Variants in ADGRB1 observed in about 807,000 individuals in gnomAD.
The protein encoded by ADGRB1 is adhesion G protein-coupled receptor B1, also known as brain-specific angiogenesis inhibitor 1.
A neutral mutation model predicts 175.7 loss-of-function variants in ADGRB1; 36 were observed. The observed-to-expected ratio is 0.20, with a 90% CI of 0.16 to 0.27. The LOEUF is 0.27. Among genes scored for constraint, ADGRB1 ranks in the 10% least tolerant of loss-of-function variants. The probability of loss-of-function intolerance (pLI) is 1.00; values close to 1 mark genes in which losing one functional copy is unlikely to be tolerated. For synonymous variants in ADGRB1, 1,054 were observed against 979.4 expected, an observed-to-expected ratio of 1.08 and a Z score of -1.42; for missense variants, 1,731 against 2,255.3, an observed-to-expected ratio of 0.77 and a Z score of 4.71.
rs573822431 is a variant in ADGRB1 at position 142,456,203 on chromosome 8, C to G, written c.-220+6099C>G. Among the ~76,000 whole-genome samples, 50 of 152,284 alleles carry G rather than the reference C, an allele frequency of 3.3e-4. 1 individual carries two copies. The highest frequency in any genetic ancestry group is 1.4e-3 in the Admixed American group (21 of 15,308). ...TTCCAGATCTCACGGGCAGCTCCTC[C>G]AGAAAGCCTTCCTCTCCACCACAGC... On this transcript the variant is annotated intron_variant, in intron 1 of 30. Transcript: ENST00000517894.
At chr8:142,473,060 C>T (rs1840750709) in intron 2 of ADGRB1, among the ~76,000 whole-genome samples, 1 of 152,088 alleles carries the variant, frequency 6.6e-6, no homozygotes, top group Non-Finnish European at 1.5e-5. Context: ...ACCAAGGTAA[C>T]CAGCCCTGAA....
chr8:142,544,462 T>C lies in ADGRB1; in HGVS notation c.*45T>C. The C allele has an allele frequency of 1.4e-6, 2 of 1,426,414 alleles. No homozygotes were observed. Among genetic ancestry groups the C allele is most frequent in the East Asian group, 2.6e-5 (1 of 37,766 alleles). 88.4% of individuals were successfully genotyped at this position (1,426,414 alleles called of 1,614,324 possible). A position where few individuals can be genotyped will look rare whatever the true frequency, so the allele number is the denominator to read the frequency against. ...GCACTGGGCCACGGAGGAGGGATGCTGCTCCGCCCGCTCCTGCCGCAGACG... is the reference window on the plus strand; with the variant it reads ...GCACTGGGCCACGGAGGAGGGATGCCGCTCCGCCCGCTCCTGCCGCAGACG... On this transcript the variant is annotated 3_prime_UTR_variant, in exon 31 of 31. Coordinates refer to ENST00000517894, the MANE Select transcript of ADGRB1 (RefSeq NM_001702.3).
intron 26 of ADGRB1, among the ~76,000 whole-genome samples, chr8:142,539,109 C>T (rs570052143): frequency 7.2e-5 from 11 of 152,310 alleles, no homozygotes; most frequent in African/African-American, 2.4e-4. Context: ...CACAGGGACA[C>T]AAATTCACCC....
chr8:142,456,543 C>T (rs879838878), intron 1 of ADGRB1, among the ~76,000 whole-genome samples: 1 of 152,214 alleles, frequency 6.6e-6, no homozygotes, highest in Non-Finnish European at 1.5e-5. Flanking sequence ...ACCACTCACA[C>T]CTGCACAGCT....
Position 142,526,645 on chromosome 8 carries a change from C to A in ADGRB1, c.3398+18C>A. ...CGGGCAGGGTAGGACCGGGGCTACGCGGCTCCTTGCCCACCCGGAGTGCAA... is the reference window on the plus strand; with the variant it reads ...CGGGCAGGGTAGGACCGGGGCTACGAGGCTCCTTGCCCACCCGGAGTGCAA... On this transcript the variant is annotated intron_variant, in intron 24 of 30. Coordinates refer to ENST00000517894, the MANE Select transcript of ADGRB1 (RefSeq NM_001702.3). 1 of 1,602,690 alleles carries A rather than the reference C, an allele frequency of 6.2e-7. No individual in the cohort carries two copies.
At chr8:142,479,869 T>G in intron 9 of ADGRB1, 75 bp downstream of exon 9, 2 of 1,463,610 alleles carry the variant, frequency 1.4e-6, no homozygotes, top group Non-Finnish European at 1.9e-6. Context: ...TGAGGTGCTG[T>G]CAGCACTGGG....
chr8:142,511,083 C>A lies in ADGRB1; in HGVS notation c.2817+10C>A. The A allele has an allele frequency of 1.8e-6, 2 of 1,111,536 alleles. No individual in the cohort carries two copies. Among genetic ancestry groups the A allele is most frequent in the Non-Finnish European group, 2.2e-6 (2 of 909,408 alleles). The allele number at this position is 1,111,536 out of a possible 1,614,324, so 68.9% of individuals were successfully genotyped here. A position where few individuals can be genotyped will look rare whatever the true frequency, so the allele number is the denominator to read the frequency against. Reference sequence around the variant, plus strand: ...GCTCAGCGCCGACGCGGTGAGACCCCGGCCGGGCCGGCGGGAGGGGCGCCG... The same window carrying A: ...GCTCAGCGCCGACGCGGTGAGACCCAGGCCGGGCCGGCGGGAGGGGCGCCG... On this transcript the variant is annotated intron_variant, in intron 18 of 30. Coordinates refer to ENST00000517894, the MANE Select transcript of ADGRB1 (RefSeq NM_001702.3). The surrounding 1 kb of genome is among the most constrained non-coding windows in gnomAD (Gnocchi z 4.5).
chr8:142,489,606 C>T (rs1266797294), intron 16 of ADGRB1, among the ~76,000 whole-genome samples, 168 bp downstream of exon 16: 1 of 152,156 alleles, frequency 6.6e-6, no homozygotes, highest in Non-Finnish European at 1.5e-5. Context: ...CAGAGAGGTG[C>T]GGTGACTTGC....
intron 27 of ADGRB1, 143 bp from the exon 28 acceptor site, chr8:142,541,794 CCGAT>C (rs1481811230): frequency 2.3e-6 from 2 of 862,234 alleles, no homozygotes; most frequent in Admixed American, 2.9e-5. Context: ...AGTTGGCCCT[CCGAT>C]CGGTACCCAG....
intron 22 of ADGRB1, 54 bp downstream of exon 22, chr8:142,522,764 TC>T: frequency 7.1e-7 from 1 of 1,414,130 alleles, no homozygotes; most frequent in Non-Finnish European, 9.3e-7. Context: ...CCCAGAGACT[TC>T]CACCGCCCTG....
intron 2 of ADGRB1, 59 bp downstream of exon 2, chr8:142,465,041 C>G: frequency 9.4e-7 from 1 of 1,067,270 alleles, no homozygotes; most frequent in East Asian, 3.5e-5. Flanking sequence ...GGGAGGCGGG[C>G]AGACAGGGGA....
chr8:142,540,918 C>T (rs1375965387), intron 27 of ADGRB1, among the ~76,000 whole-genome samples: 3 of 151,892 alleles, frequency 2.0e-5, no homozygotes, highest in Non-Finnish European at 2.9e-5. Flanking sequence ...CTGAGGGGGA[C>T]GGGGAAGCCT....
chr8:142,488,009 C>T (rs1181584701), intron 13 of ADGRB1, among the ~76,000 whole-genome samples: 4 of 152,172 alleles, frequency 2.6e-5, no homozygotes, highest in Non-Finnish European at 5.9e-5. Flanking sequence ...CTGGTGCCTG[C>T]GGATCCCTCC....
At chr8:142,460,825 C>T (rs1212817725) in intron 1 of ADGRB1, among the ~76,000 whole-genome samples, 2 of 152,216 alleles carry the variant, frequency 1.3e-5, no homozygotes, top group Non-Finnish European at 2.9e-5. Context: ...TGAGCACTCT[C>T]CTTCCCCATG....
In ADGRB1 at chr8:142,493,367, A is replaced by G. The variant is rs1007464589; in HGVS notation, c.2675+2552A>G. Among the ~76,000 whole-genome samples the G allele has an allele frequency of 1.3e-5, 2 of 152,076 alleles. No homozygotes were observed. The highest frequency in any genetic ancestry group is 4.8e-5 in the African/African-American group (2 of 41,426). ...GCTTTTAGGCAGGGGCGGGGGCAGC[A>G]GGACGGCGGTCAAGTCCCCAGGGTG... On this transcript the variant is annotated intron_variant, in intron 17 of 30. Transcript: ENST00000517894. The surrounding 1 kb of genome is among the most constrained non-coding windows in gnomAD (Gnocchi z 5.0).
intron 22 of ADGRB1, 134 bp from the exon 23 acceptor site, chr8:142,524,104 A>G: frequency 1.0e-6 from 1 of 952,626 alleles, no homozygotes; most frequent in Non-Finnish European, 1.6e-6. Context: ...CCTGCCCTGC[A>G]TGCCGAAGGC....
At chr8:142,483,853 C>A in intron 11 of ADGRB1, 124 bp from the exon 12 acceptor site, 1 of 1,008,156 alleles carries the variant, frequency 9.9e-7, no homozygotes, top group Non-Finnish European at 1.5e-6. Context: ...ACACACTGAG[C>A]CCTGATCCTG....
In ADGRB1 at chr8:142,474,837, C is replaced by T. The variant is rs1469586428; in HGVS notation, c.785-637C>T. Among the ~76,000 whole-genome samples, 1 of 152,110 alleles carries T rather than the reference C, an allele frequency of 6.6e-6. No individual in the cohort carries two copies. The highest frequency in any genetic ancestry group is 2.4e-5 in the African/African-American group (1 of 41,408). ...GCAGGCATTTATCCCAGGCTCCCTCCTCGGGTGGCCAGCTGGCCAGGTCCA... is the reference window on the plus strand; with the variant it reads ...GCAGGCATTTATCCCAGGCTCCCTCTTCGGGTGGCCAGCTGGCCAGGTCCA... On this transcript the variant is annotated intron_variant, in intron 2 of 30. Transcript: ENST00000517894. The surrounding 1 kb of genome is among the most constrained non-coding windows in gnomAD (Gnocchi z 5.8).
intron 1 of ADGRB1, among the ~76,000 whole-genome samples, chr8:142,457,965 C>T (rs929983648): frequency 3.9e-5 from 6 of 152,226 alleles, no homozygotes; most frequent in East Asian, 1.9e-4. Context: ...TGCCTCCCAG[C>T]CCCCTGGGCA....
Sources: gnomAD v4.1 joint callset for allele counts (sites outside exome capture counted in the v4.1 genomes callset) on GRCh38, gnomAD v4.1.1 for gene constraint, Gnocchi (gnomAD v3.1) non-coding constraint, MANE v1.5 for transcripts, NCBI Gene and HGNC (gene_info 2026-07-23, HGNC 2026-07-21) for gene names.